The following DUOXA1 variants were observed in gnomAD, a reference collection of about 807,000 sequenced individuals.
DUOXA1 encodes the protein dual oxidase maturation factor 1, also known as dual oxidase activator 1.
DUOXA1 carries 19 observed loss-of-function variants against 26.6 expected under a neutral mutation model. That is an observed-to-expected ratio of 0.71 (90% CI 0.50 to 1.05). The LOEUF (loss-of-function observed/expected upper bound fraction) is 1.05, where lower values mean the gene tolerates loss of function less well. Among genes scored for constraint, DUOXA1 ranks in the 50% least tolerant of loss-of-function variants. The pLI is 0.00. For missense variants in DUOXA1, 403 were observed against 427.5 expected (o/e 0.94, Z 0.51); for synonymous variants, 166 against 177.0 (o/e 0.94, Z 0.49).
chr15:45,127,010 A>G (rs1252728894), intron 3 of DUOXA1, among the ~76,000 whole-genome samples: 1 of 152,262 alleles, frequency 6.6e-6, no homozygotes, highest in Non-Finnish European at 1.5e-5. Context: ...GAATTCGTGT[A>G]TTAAATTATT....
chr15:45,118,868 C>G lies in DUOXA1; in HGVS notation c.*238G>C. The G allele has an allele frequency of 8.1e-7, 1 of 1,234,122 alleles. No homozygotes were observed. Among genetic ancestry groups the G allele is most frequent in the African/African-American group, 1.5e-5 (1 of 65,234 alleles). 76.4% of individuals were successfully genotyped at this position (1,234,122 alleles called of 1,614,324 possible). ...TGCAGATAAGCTAGCCCCTGCTTGG[C>G]CTTATCATGGCAACAGGCTTTATGG... On this transcript the variant is annotated 3_prime_UTR_variant, in exon 9 of 9. Transcript: ENST00000560572.
At position 45,118,999 on chromosome 15, in the gene DUOXA1, G is replaced by C. The variant is rs184157954; in HGVS notation, c.*107C>G. 1 of 1,479,776 alleles carries C rather than the reference G, an allele frequency of 6.8e-7. No individual in the cohort carries two copies. Among genetic ancestry groups the C allele is most frequent in the East Asian group, 2.3e-5 (1 of 42,882 alleles). The allele number at this position is 1,479,776 out of a possible 1,614,324, so 91.7% of individuals were successfully genotyped here. ...TCTACTCCGTCTGTAGATTGGTGCTGGGTGTCTGGTAACAGCCACCCTGAG... is the reference window on the plus strand; with the variant it reads ...TCTACTCCGTCTGTAGATTGGTGCTCGGTGTCTGGTAACAGCCACCCTGAG... On this transcript the variant is annotated 3_prime_UTR_variant, in exon 9 of 9. Transcript: ENST00000560572.
In DUOXA1 at chr15:45,118,114, T is replaced by C. The variant is rs1894805898; in HGVS notation, c.*992A>G. The C allele has an allele frequency of 3.4e-6, 5 of 1,466,434 alleles. No homozygotes were observed. Among genetic ancestry groups the C allele is most frequent in the South Asian group, 2.8e-5 (2 of 71,316 alleles). 90.8% of individuals were successfully genotyped at this position (1,466,434 alleles called of 1,614,324 possible). Reference sequence around the variant, plus strand: ...TCTTTTGTTTTTTAAAAACTGTTTTTCCCATTAATTTTCATGGCTTCTCCG... The same window carrying C: ...TCTTTTGTTTTTTAAAAACTGTTTTCCCCATTAATTTTCATGGCTTCTCCG... On this transcript the variant is annotated 3_prime_UTR_variant, in exon 9 of 9. Coordinates refer to ENST00000560572, the MANE Select transcript of DUOXA1 (RefSeq NM_001276266.2).
intron 6 of DUOXA1, 95 bp from the exon 7 acceptor site, chr15:45,120,900 G>A (rs1372243712): frequency 6.7e-7 from 1 of 1,501,254 alleles, no homozygotes; most frequent in Non-Finnish European, 9.2e-7. Flanking sequence ...GACAGGAAGT[G>A]GTCTCAACTG....
chr15:45,122,859 G>T lies in DUOXA1; in HGVS notation c.147+9C>A. 6.2e-7 allele frequency: 1 copy of T among 1,604,626 alleles called. No individual in the cohort carries two copies. The highest frequency in any genetic ancestry group is 8.5e-7 in the Non-Finnish European group (1 of 1,175,878). ...TCTGGGCTGGGGTCTCCAGGACTGG[G>T]TTTCTCACCGTCTTTCCCCGAATGC... On this transcript the variant is annotated intron_variant, in intron 4 of 8. Coordinates refer to ENST00000560572, the MANE Select transcript of DUOXA1 (RefSeq NM_001276266.2).
intron 3 of DUOXA1, among the ~76,000 whole-genome samples, chr15:45,125,050 T>C (rs1015691979): frequency 6.6e-6 from 1 of 152,204 alleles, no homozygotes; most frequent in African/African-American, 2.4e-5. Flanking sequence ...CCTTCTTGTG[T>C]TGTCTGTGAG....
In DUOXA1 at chr15:45,117,420, C is replaced by G; in HGVS notation, c.*1686G>C. On this transcript the variant is annotated 3_prime_UTR_variant, in exon 9 of 9. Coordinates refer to ENST00000560572, the MANE Select transcript of DUOXA1 (RefSeq NM_001276266.2). ...CATCTATTACCCTATTTGCCCCTCT[C>G]AATAGTTCGCAGAAACAGGCACTGT... The G allele has an allele frequency of 6.6e-7, 1 of 1,519,712 alleles. No homozygotes were observed. The highest frequency in any genetic ancestry group is 8.9e-7 in the Non-Finnish European group (1 of 1,128,838). The allele number at this position is 1,519,712 out of a possible 1,614,324, so 94.1% of individuals were successfully genotyped here.
At chr15:45,126,794 T>C (rs187558078) in intron 3 of DUOXA1, among the ~76,000 whole-genome samples, 6 of 152,252 alleles carry the variant, frequency 3.9e-5, no homozygotes, top group African/African-American at 1.4e-4. Flanking sequence ...TAATTCAATA[T>C]TAACTGAGTG....
chr15:45,126,360 C>T (rs767541095), intron 3 of DUOXA1, among the ~76,000 whole-genome samples: 25 of 152,206 alleles, frequency 1.6e-4, no homozygotes, highest in Non-Finnish European at 3.1e-4. Flanking sequence ...CTGACACGCT[C>T]TTTCAAGCCT....
At chr15:45,122,001 C>T (rs1895252210) in intron 5 of DUOXA1, among the ~76,000 whole-genome samples, 184 bp downstream of exon 5, 1 of 152,148 alleles carries the variant, frequency 6.6e-6, no homozygotes, top group Admixed American at 6.5e-5. Flanking sequence ...AGGGTGACAC[C>T]TCTCCAGGCA....
Position 45,118,000 on chromosome 15 carries a change from A to G in DUOXA1, c.*1106T>C. The G allele has an allele frequency of 2.5e-6, 4 of 1,611,306 alleles. No homozygotes were observed. The highest frequency in any genetic ancestry group is 3.4e-6 in the Non-Finnish European group (4 of 1,178,556). ...GGCCTGGGCCAGGAGAGCTCCAGGA[A>G]GGGCACTGAGCGCTGCTGGCGCGAG... On this transcript the variant is annotated 3_prime_UTR_variant, in exon 9 of 9. Transcript: ENST00000560572.
rs1894893943 is a variant in DUOXA1, at chr15:45,119,133, G to T, written c.1005C>A (p.His335Gln). 1 of 1,598,086 alleles carries T rather than the reference G, an allele frequency of 6.3e-7. No homozygotes were observed. Among genetic ancestry groups the T allele is most frequent in the Non-Finnish European group, 8.6e-7 (1 of 1,167,020 alleles). Residue 335 changes from histidine to glutamine, a missense_variant, in exon 9 of 9, where the codon CAC (histidine) becomes CAA (glutamine). Transcript: ENST00000560572. ...ATAAAGCACAATCAGGATCTTTGGG[G>T]TGTGCCTCCTTACAGTATGCCTTGG... ...SSTKAYCKEA[H>Q]PKDPDCAL
rs1895947528 is a variant in DUOXA1 at position 45,129,122 on chromosome 15, A to T, written c.-134T>A. On this transcript the variant is annotated 5_prime_UTR_variant, in exon 3 of 9. Coordinates refer to ENST00000560572, the MANE Select transcript of DUOXA1 (RefSeq NM_001276266.2). This position sits in a 1 kb window ranked among gnomAD's most constrained non-coding sequence, Gnocchi z 4.1. The stretch of plus-strand genomic sequence containing the variant: ...CGGGGGTGTGATTAAAGAGGGAACC[A>T]GGTCCCGACGTTCTGTGAACAAACG... The T allele has an allele frequency of 6.6e-6, 1 of 152,030 alleles. No individual in the cohort carries two copies. Among genetic ancestry groups the T allele is most frequent in the Non-Finnish European group, 1.5e-5 (1 of 68,028 alleles). The allele number at this position is 152,030 out of a possible 1,614,324, so 9.4% of individuals were successfully genotyped here.
chr15:45,117,394 A>G lies in DUOXA1; in HGVS notation c.*1712T>C. The G allele has an allele frequency of 6.7e-7, 1 of 1,502,828 alleles. No individual in the cohort carries two copies. Among genetic ancestry groups the G allele is most frequent in the Non-Finnish European group, 8.9e-7 (1 of 1,119,666 alleles). The allele number at this position is 1,502,828 out of a possible 1,614,324, so 93.1% of individuals were successfully genotyped here. A position where few individuals can be genotyped will look rare whatever the true frequency, so the allele number is the denominator to read the frequency against. Reference sequence around the variant, plus strand: ...ACTTTCCAGTTTACAGAATGAATTCACATCTATTACCCTATTTGCCCCTCT... The same window carrying G: ...ACTTTCCAGTTTACAGAATGAATTCGCATCTATTACCCTATTTGCCCCTCT... On this transcript the variant is annotated 3_prime_UTR_variant, in exon 9 of 9. Transcript: ENST00000560572.
rs956915632 is a variant in DUOXA1, at chr15:45,118,220, T to C, written c.*886A>G. 1.1e-5 allele frequency: 16 copies of C among 1,412,144 alleles called. No homozygotes were observed. In the African/African-American group the frequency reaches 1.7e-4, roughly 15 times the overall value. The allele number at this position is 1,412,144 out of a possible 1,614,324, so 87.5% of individuals were successfully genotyped here. A position where few individuals can be genotyped will look rare whatever the true frequency, so the allele number is the denominator to read the frequency against. Reference sequence around the variant, plus strand: ...TCTCCGCAGTGCTGTGAAACCTGATTCTCTGCGTCGACTCCAGAGTAATAG... The same window carrying C: ...TCTCCGCAGTGCTGTGAAACCTGATCCTCTGCGTCGACTCCAGAGTAATAG... On this transcript the variant is annotated 3_prime_UTR_variant, in exon 9 of 9. Transcript: ENST00000560572.
intron 6 of DUOXA1, 61 bp from the exon 7 acceptor site, chr15:45,120,866 GGACTCA>G: frequency 6.4e-7 from 1 of 1,573,056 alleles, no homozygotes. Context: ...GCCTAGGTAG[GGACTCA>G]CCCACACTGG....
chr15:45,125,329 G>A (rs1313377685), intron 3 of DUOXA1, among the ~76,000 whole-genome samples: 3 of 151,948 alleles, frequency 2.0e-5, no homozygotes, highest in Admixed American at 1.3e-4. Context: ...TAGCGTCCCA[G>A]CTTCTTTTTC....
At chr15:45,121,626 T>C (rs1005862016) in intron 5 of DUOXA1, among the ~76,000 whole-genome samples, 2 of 152,258 alleles carry the variant, frequency 1.3e-5, no homozygotes, top group Non-Finnish European at 2.9e-5. Context: ...GCAATTCTCC[T>C]GCCTCGGCCT....
At chr15:45,121,508 G>A (rs1331114773) in intron 5 of DUOXA1, among the ~76,000 whole-genome samples, 1 of 152,220 alleles carries the variant, frequency 6.6e-6, no homozygotes, top group Non-Finnish European at 1.5e-5. Context: ...GGCAAACGCA[G>A]ATAGCTTCAA....
Sources: gnomAD v4.1 joint callset for allele counts (sites outside exome capture counted in the v4.1 genomes callset) on GRCh38, gnomAD v4.1.1 for gene constraint, Gnocchi (gnomAD v3.1) non-coding constraint, MANE v1.5 for transcripts, NCBI Gene and HGNC (gene_info 2026-07-23, HGNC 2026-07-21) for gene names.